ZFP82: variants seen among roughly 807,000 people sequenced by gnomAD.
ZFP82 encodes the protein ZFP82 zinc finger protein, also known as zinc finger protein 82 homolog.
Under a neutral mutation model 54.0 loss-of-function variants are expected in ZFP82, and 30 were observed. The observed-to-expected ratio is 0.56, with a 90% CI of 0.42 to 0.75. The LOEUF is 0.75. Ranked by LOEUF, ZFP82 falls within the 30% of genes least tolerant of loss-of-function variation. The pLI is 0.00. For synonymous variants in ZFP82, 194 were observed against 209.5 expected (o/e 0.93, Z 0.64); for missense variants, 500 against 636.8 (o/e 0.79, Z 2.31).
At chr19:36,387,761 T>C (rs2032131908), downstream of ZFP82, among the ~76,000 whole-genome samples, 2 of 152,156 alleles carry the variant, frequency 1.3e-5, no homozygotes, top group Non-Finnish European at 2.9e-5. Context: ...ATTACAGGCA[T>C]GCGCCACCAT....
chr19:36,409,734 A>G (rs746920595), intron 2 of ZFP82, 47 bp downstream of exon 2: 4 of 1,608,304 alleles, frequency 2.5e-6, no homozygotes, highest in Non-Finnish European at 3.4e-6. Flanking sequence ...AAAAATGGTC[A>G]CAGAACCTTA....
intron 4 of ZFP82, among the ~76,000 whole-genome samples, chr19:36,404,057 GTTA>G (rs1022097549): frequency 1.3e-5 from 2 of 152,066 alleles, no homozygotes; most frequent in African/African-American, 4.8e-5. Context: ...TTTATTTATA[GTTA>G]TTATGTTTCT....
At chr19:36,398,366 GTC>G (rs1299251813) in intron 4 of ZFP82, among the ~76,000 whole-genome samples, 2 of 152,024 alleles carry the variant, frequency 1.3e-5, no homozygotes, top group African/African-American at 4.8e-5. Flanking sequence ...GTGAAACCCT[GTC>G]TCTATTAAAA....
chr19:36,406,945 T>C (rs2032492106), intron 3 of ZFP82, among the ~76,000 whole-genome samples: 1 of 152,200 alleles, frequency 6.6e-6, no homozygotes, highest in Admixed American at 6.5e-5. Context: ...CTTTTCTTTG[T>C]AGTGAGAACA....
At chr19:36,406,377 C>T (rs1346241152) in intron 3 of ZFP82, among the ~76,000 whole-genome samples, 1 of 152,128 alleles carries the variant, frequency 6.6e-6, no homozygotes, top group Non-Finnish European at 1.5e-5. Context: ...CCCAAATATC[C>T]CTATTGGTCA....
chr19:36,384,986 ATACT>A (rs1466044339), downstream of ZFP82, among the ~76,000 whole-genome samples: 1 of 152,184 alleles, frequency 6.6e-6, no homozygotes, highest in African/African-American at 2.4e-5. Flanking sequence ...AGTTGTGGCA[ATACT>A]TACTTTTATT....
chr19:36,400,373 G>A (rs2145586337), intron 4 of ZFP82, among the ~76,000 whole-genome samples: 1 of 152,248 alleles, frequency 6.6e-6, no homozygotes, highest in South Asian at 2.1e-4. Context: ...AGTCCTATTT[G>A]CATTTCAACA....
Position 36,393,931 on chromosome 19 carries a change from A to C in ZFP82, c.409T>G (p.Tyr137Asp), listed in dbSNP as rs752586717. ...GATGGCATTTTCACACTACTGAAGTATCCTTCTTGAGGTCTCTCCTGTCCT... is the reference window on the plus strand; with the variant it reads ...GATGGCATTTTCACACTACTGAAGTCTCCTTCTTGAGGTCTCTCCTGTCCT... Reference protein sequence around the residue: ...IEGQERPQEGYFSSVKMPSEK... With the variant: ...IEGQERPQEGDFSSVKMPSEK... Residue 137 changes from tyrosine to aspartate, a missense_variant, in exon 5 of 5, where the codon TAC becomes GAC. Tyr to Asp is a radical substitution (Grantham distance 160). Transcript: ENST00000392161. 6.2e-6 allele frequency: 10 copies of C among 1,614,194 alleles called. No individual in the cohort carries two copies. The highest frequency in any genetic ancestry group is 8.5e-6 in the Non-Finnish European group (10 of 1,180,028).
chr19:36,399,111 C>T (rs2032343525), intron 4 of ZFP82, among the ~76,000 whole-genome samples: 1 of 152,016 alleles, frequency 6.6e-6, no homozygotes, highest in Admixed American at 6.6e-5. Flanking sequence ...ATACAAACAA[C>T]AATATCCTTT....
chr19:36,388,715 C>A lies in ZFP82; in HGVS notation c.*4026G>T, dbSNP rs1396349422. Among the ~76,000 whole-genome samples, 1 of 152,032 alleles carries A rather than the reference C, an allele frequency of 6.6e-6. No individual in the cohort carries two copies. Among genetic ancestry groups the A allele is most frequent in the Non-Finnish European group, 1.5e-5 (1 of 68,012 alleles). ...TAATGTTCTTTTCAAAGAGAATATCCTTAGTCTGTTATTTTATTAACTATT... is the reference window on the plus strand; with the variant it reads ...TAATGTTCTTTTCAAAGAGAATATCATTAGTCTGTTATTTTATTAACTATT... On this transcript the variant is annotated 3_prime_UTR_variant, in exon 5 of 5. Coordinates refer to ENST00000392161, the MANE Select transcript of ZFP82 (RefSeq NM_133466.4).
intron 1 of ZFP82, among the ~76,000 whole-genome samples, chr19:36,415,995 A>G (rs761385730): frequency 1.6e-4 from 24 of 152,310 alleles, no homozygotes; most frequent in Non-Finnish European, 2.2e-4. Context: ...TTTTTTCTCC[A>G]CTAAGAAACT....
Position 36,389,468 on chromosome 19 carries a change from T to A in ZFP82, c.*3273A>T, listed in dbSNP as rs1414942832. Among the ~76,000 whole-genome samples the A allele has an allele frequency of 6.6e-6, 1 of 152,236 alleles. No homozygotes were observed. The highest frequency in any genetic ancestry group is 2.4e-5 in the African/African-American group (1 of 41,464). On this transcript the variant is annotated 3_prime_UTR_variant, in exon 5 of 5. Coordinates refer to ENST00000392161, the MANE Select transcript of ZFP82 (RefSeq NM_133466.4). ...TAAACATTTACCAACATTTTGCTAA[T>A]CTTGTTTCATCTATCCCTCCCACCT...
rs2032547346 is a variant in ZFP82 at position 36,409,839 on chromosome 19, G to A, written c.-50C>T. ...AGTCCTCCTTGGGGTTTACTTGCCA[G>A]GAGAAGCACCGAGTCCACAGAGGCT... On this transcript the variant is annotated 5_prime_UTR_variant, in exon 2 of 5. Transcript: ENST00000392161. 6.2e-7 allele frequency: 1 copy of A among 1,609,962 alleles called. No homozygotes were observed. The highest frequency in any genetic ancestry group is 8.5e-7 in the Non-Finnish European group (1 of 1,176,604).
rs373296227 is a variant in ZFP82, at chr19:36,390,329, G to GCCTTTTTTT, written c.*2411_*2412insAAAAAAAGG. ...CTTTAAAGTGTAGGATTCCATTTTT[G>GCCTTTTTTT]TCTTTTTTTTTTTTTTTTTTGACAT... On this transcript the variant is annotated 3_prime_UTR_variant, in exon 5 of 5. Coordinates refer to ENST00000392161, the MANE Select transcript of ZFP82 (RefSeq NM_133466.4). 2 of 120,330 alleles carry GCCTTTTTTT rather than the reference G, an allele frequency of 1.7e-5. No individual in the cohort carries two copies. The highest frequency in any genetic ancestry group is 1.6e-5 in the Non-Finnish European group (1 of 60,614). The allele number at this position is 120,330 out of a possible 1,614,324, so 7.5% of individuals were successfully genotyped here. A position where few individuals can be genotyped will look rare whatever the true frequency, so the allele number is the denominator to read the frequency against.
At chr19:36,407,122 G>C (rs1195432000) in intron 3 of ZFP82, among the ~76,000 whole-genome samples, 1 of 141,440 alleles carries the variant, frequency 7.1e-6, no homozygotes, top group Non-Finnish European at 1.5e-5. Context: ...TGTCGCCCAG[G>C]CTGGAGTGCA....
At chr19:36,387,258 G>A (rs2032125771), downstream of ZFP82, among the ~76,000 whole-genome samples, 1 of 152,156 alleles carries the variant, frequency 6.6e-6, no homozygotes, top group African/African-American at 2.4e-5. Context: ...ATGAATTTGG[G>A]AGGCCAGAGA....
chr19:36,386,074 G>T (rs1043344452), downstream of ZFP82, among the ~76,000 whole-genome samples: 4 of 152,212 alleles, frequency 2.6e-5, no homozygotes, highest in Admixed American at 1.3e-4. Flanking sequence ...AGGAAGACAG[G>T]AGCTATCAAG....
At chr19:36,410,447 GTGTA>G (rs1221690368) in intron 1 of ZFP82, among the ~76,000 whole-genome samples, 6 of 151,200 alleles carry the variant, frequency 4.0e-5, no homozygotes, top group Non-Finnish European at 7.4e-5. Context: ...GTGTGTGTGT[GTGTA>G]TATGTGTGTG....
downstream of ZFP82, among the ~76,000 whole-genome samples, chr19:36,387,058 T>C (rs899284395): frequency 6.6e-6 from 1 of 152,216 alleles, no homozygotes; most frequent in African/African-American, 2.4e-5. Context: ...CCCACTGTTG[T>C]GTTTTGGGAG....
Sources: gnomAD v4.1 joint callset for allele counts (sites outside exome capture counted in the v4.1 genomes callset) on GRCh38, gnomAD v4.1.1 for gene constraint, MANE v1.5 for transcripts, NCBI Gene and HGNC (gene_info 2026-07-23, HGNC 2026-07-21) for gene names.